Variants in CTNNA2 observed in about 807,000 individuals in gnomAD.
The protein encoded by CTNNA2 is catenin alpha 2.
A neutral mutation model predicts 101.0 loss-of-function variants in CTNNA2; 42 were observed. The observed-to-expected ratio is 0.42, with a 90% CI of 0.32 to 0.54. CTNNA2 has a LOEUF of 0.54. Ranked by LOEUF, CTNNA2 falls within the 20% of genes least tolerant of loss-of-function variation. CTNNA2 has a pLI of 0.14. For synonymous variants in CTNNA2, 450 were observed against 456.4 expected (o/e 0.99, Z 0.18); for missense variants, 871 against 1,223.1 (o/e 0.71, Z 4.29).
intron 7 of CTNNA2, among the ~76,000 whole-genome samples, chr2:80,200,715 T>C (rs1288778468): frequency 6.6e-6 from 1 of 152,086 alleles, no homozygotes; most frequent in Non-Finnish European, 1.5e-5. Flanking sequence ...TTTGTATTTT[T>C]AGTAGAGATG....
At chr2:79,226,480 C>G (rs1418860233) in intron 2 of CTNNA2, among the ~76,000 whole-genome samples, 1 of 152,164 alleles carries the variant, frequency 6.6e-6, no homozygotes, top group Non-Finnish European at 1.5e-5. Context: ...CCAGTTTCAC[C>G]TGATCCCTCA....
At chr2:79,219,782 G>A (rs1437544734) in intron 2 of CTNNA2, among the ~76,000 whole-genome samples, 1 of 152,200 alleles carries the variant, frequency 6.6e-6, no homozygotes. Context: ...AGGAGAAACA[G>A]TGAGTGCCTG....
chr2:79,992,382 A>G (rs1364602592), intron 7 of CTNNA2, among the ~76,000 whole-genome samples: 1 of 152,246 alleles, frequency 6.6e-6, no homozygotes, highest in Non-Finnish European at 1.5e-5. Flanking sequence ...TGGAGGCAGT[A>G]AAACCCCAAA....
chr2:79,336,034 T>C lies in CTNNA2; in HGVS notation c.-318+23238T>C, dbSNP rs1452921374. Among the ~76,000 whole-genome samples the C allele has an allele frequency of 2.0e-5, 3 of 152,226 alleles. No individual in the cohort carries two copies. In the South Asian group the frequency reaches 6.2e-4, roughly 31 times the overall value. ...ATAAATCTGCAAACAAAACTCCATCTGAAGACAGCAGCATCTGAAAGATGA... is the reference window on the plus strand; with the variant it reads ...ATAAATCTGCAAACAAAACTCCATCCGAAGACAGCAGCATCTGAAAGATGA... On this transcript the variant is annotated intron_variant, in intron 3 of 21. Coordinates refer to the CTNNA2 transcript ENST00000466387.
intron 15 of CTNNA2, among the ~76,000 whole-genome samples, chr2:80,597,380 A>T (rs2149757337): frequency 6.6e-6 from 1 of 152,290 alleles, no homozygotes; most frequent in African/African-American, 2.4e-5. Context: ...CCTAGAAGAA[A>T]ACCTAGGCAC....
intron 2 of CTNNA2, among the ~76,000 whole-genome samples, chr2:79,202,290 TCA>T (rs1674045710): frequency 6.6e-6 from 1 of 152,148 alleles, no homozygotes; most frequent in African/African-American, 2.4e-5. Context: ...CACAGTACTC[TCA>T]GTCAGATTTC....
At chr2:80,202,379 C>T (rs1326301671) in intron 7 of CTNNA2, among the ~76,000 whole-genome samples, 1 of 152,248 alleles carries the variant, frequency 6.6e-6, no homozygotes, top group Non-Finnish European at 1.5e-5. Context: ...GGCAACCATA[C>T]AGATTAGAAG....
At chr2:80,078,528 A>G (rs963555263) in intron 7 of CTNNA2, among the ~76,000 whole-genome samples, 6 of 152,228 alleles carry the variant, frequency 3.9e-5, no homozygotes, top group African/African-American at 1.4e-4. Flanking sequence ...ATTCAGCTTT[A>G]GAACAGCCCC....
At chr2:80,548,268 C>A (rs1036165698) in intron 11 of CTNNA2, among the ~76,000 whole-genome samples, 1 of 152,150 alleles carries the variant, frequency 6.6e-6, no homozygotes, top group African/African-American at 2.4e-5. Context: ...CCCTGGAAAT[C>A]TTCTGCATCC....
intron 7 of CTNNA2, among the ~76,000 whole-genome samples, chr2:80,007,546 T>C (rs916478271): frequency 6.6e-6 from 1 of 152,080 alleles, no homozygotes; most frequent in African/African-American, 2.4e-5. Context: ...GCCTGTTTGG[T>C]GGGTGGTGCT....
At chr2:80,501,070 A>G (rs1687846870) in intron 9 of CTNNA2, among the ~76,000 whole-genome samples, 1 of 152,238 alleles carries the variant, frequency 6.6e-6, no homozygotes, top group Admixed American at 6.5e-5. Flanking sequence ...TAAATATCAC[A>G]TCTCTCTATT....
At chr2:80,643,951 G>A (rs925474909) in intron 18 of CTNNA2, among the ~76,000 whole-genome samples, 6 of 152,174 alleles carry the variant, frequency 3.9e-5, no homozygotes, top group African/African-American at 1.2e-4. Context: ...GCACTTATCA[G>A]ACATAGCCAT....
chr2:79,436,769 C>G (rs185980198), intron 4 of CTNNA2, among the ~76,000 whole-genome samples: 5 of 151,958 alleles, frequency 3.3e-5, no homozygotes, highest in African/African-American at 1.2e-4. Context: ...GTATCTGGGA[C>G]TACAGGCACC....
At chr2:79,415,920 A>G (rs1236822595) in intron 4 of CTNNA2, among the ~76,000 whole-genome samples, 1 of 152,104 alleles carries the variant, frequency 6.6e-6, no homozygotes, top group African/African-American at 2.4e-5. Context: ...AAATATTGAG[A>G]TATGACTTGC....
intron 7 of CTNNA2, among the ~76,000 whole-genome samples, chr2:79,958,641 G>A (rs1161776944): frequency 6.6e-6 from 1 of 152,166 alleles, no homozygotes; most frequent in Non-Finnish European, 1.5e-5. Flanking sequence ...TTAGTCCAGT[G>A]AGACCCATGT....
At chr2:79,652,312 CT>C (rs1681317155) in intron 2 of CTNNA2, among the ~76,000 whole-genome samples, 2 of 150,804 alleles carry the variant, frequency 1.3e-5, no homozygotes, top group South Asian at 4.2e-4. Context: ...AAATTCCTAT[CT>C]ACTTAGTGGC....
intron 7 of CTNNA2, among the ~76,000 whole-genome samples, chr2:80,209,110 C>T (rs185402307): frequency 6.6e-6 from 1 of 152,010 alleles, no homozygotes; most frequent in East Asian, 1.9e-4. Context: ...CCACCAACTA[C>T]ATCTTTGTGA....
rs533482199 is a variant in CTNNA2, at chr2:79,312,726, G to A, written c.-388G>A. The stretch of plus-strand genomic sequence containing the variant: ...ATTCACAGAACAAAATATACAGCTG[G>A]ATGTTTGTCACAATTCTAATGTCCC... On this transcript the variant is annotated 5_prime_UTR_variant, in exon 3 of 22. Transcript: ENST00000466387. The A allele has an allele frequency of 5.5e-4, 84 of 152,210 alleles. 1 individual carries two copies. Among genetic ancestry groups the A allele is most frequent in the African/African-American group, 1.9e-3 (79 of 41,540 alleles). The allele number at this position is 152,210 out of a possible 1,614,324, so 9.4% of individuals were successfully genotyped here.
At chr2:80,626,410 TG>T (rs1373862009) in intron 18 of CTNNA2, among the ~76,000 whole-genome samples, 1 of 152,068 alleles carries the variant, frequency 6.6e-6, no homozygotes, top group Non-Finnish European at 1.5e-5. Context: ...TTAAACCAGG[TG>T]CTTCCTAGCT....
Sources: allele counts gnomAD v4.1 joint callset (sites outside exome capture counted in the v4.1 genomes callset), GRCh38; gene constraint gnomAD v4.1.1; transcripts MANE v1.5; gene names NCBI Gene and HGNC (gene_info 2026-07-23, HGNC 2026-07-21).